Variants in MGAT5 observed in about 807,000 individuals in gnomAD.
The protein encoded by MGAT5 is alpha-1,6-mannosylglycoprotein 6-beta-N-acetylglucosaminyltransferase, also known as alpha-1,6-mannosylglycoprotein 6-beta-N-acetylglucosaminyltransferase A.
A neutral mutation model predicts 94.3 loss-of-function variants in MGAT5; 30 were observed. That is an observed-to-expected ratio of 0.32 (90% CI 0.24 to 0.43). MGAT5 has a LOEUF of 0.43. MGAT5 is among the 20% of genes least tolerant of loss of function. MGAT5 has a pLI of 1.00. For synonymous variants in MGAT5, 310 were observed against 322.9 expected, an observed-to-expected ratio of 0.96 and a Z score of 0.43; for missense variants, 691 against 905.5, an observed-to-expected ratio of 0.76 and a Z score of 3.04.
intron 10 of MGAT5, among the ~76,000 whole-genome samples, chr2:134,391,845 A>T (rs1176353121): frequency 3.4e-4 from 52 of 152,324 alleles, no homozygotes; most frequent in Admixed American, 3.4e-3. Context: ...ATCTCATGTG[A>T]TCCTTTGGGC....
intron 2 of MGAT5, among the ~76,000 whole-genome samples, chr2:134,311,506 T>C (rs1317871795): frequency 6.6e-6 from 1 of 152,170 alleles, no homozygotes; most frequent in Non-Finnish European, 1.5e-5. Flanking sequence ...AACTGTCTTC[T>C]GTGTGAGCTC....
At chr2:134,340,487 A>G (rs1416404173) in intron 6 of MGAT5, among the ~76,000 whole-genome samples, 1 of 152,198 alleles carries the variant, frequency 6.6e-6, no homozygotes, top group East Asian at 1.9e-4. Context: ...TTTGAAGCAT[A>G]TCAAATATGC....
At chr2:134,123,029 G>A (rs1203695406) in intron 1 of MGAT5, among the ~76,000 whole-genome samples, 2 of 152,240 alleles carry the variant, frequency 1.3e-5, no homozygotes, top group Non-Finnish European at 2.9e-5. Flanking sequence ...ATAAAGAGGT[G>A]TGTGCATATG....
rs2290047 is a variant in MGAT5 at position 134,341,573 on chromosome 2, G to A, written c.808-17G>A. ...TGTGGTTCAGTGTGAATCAGTATAT[G>A]CCTCTTTGTTTTCCAGGTCCTCGTT... On this transcript the variant is annotated splice_polypyrimidine_tract_variant and intron_variant, in intron 6 of 15. Transcript: ENST00000281923. The A allele has an allele frequency of 0.024, 38,534 of 1,608,666 alleles. 3,265 individuals are homozygous for A. The highest frequency in any genetic ancestry group is 0.22 in the East Asian group (9,769 of 44,700).
At chr2:134,346,006 C>T (rs1432999345) in intron 8 of MGAT5, among the ~76,000 whole-genome samples, 1 of 152,046 alleles carries the variant, frequency 6.6e-6, no homozygotes, top group African/African-American at 2.4e-5. Context: ...GTAAATGGCA[C>T]ATAAATATAA....
chr2:134,448,595 G>A (rs1685927806), intron 15 of MGAT5, 54 bp from the exon 16 acceptor site: 1 of 1,549,398 alleles, frequency 6.5e-7, no homozygotes, highest in South Asian at 1.1e-5. Flanking sequence ...CCAGTGACGA[G>A]GAAAGGCTCT....
chr2:134,197,785 CTCCT>C (rs1679570751), intron 1 of MGAT5, among the ~76,000 whole-genome samples: 2 of 152,198 alleles, frequency 1.3e-5, no homozygotes, highest in South Asian at 4.1e-4. Flanking sequence ...GGGGGCTGGG[CTCCT>C]TCCTTCTGGT....
At chr2:134,180,687 C>A (rs190274984) in intron 1 of MGAT5, among the ~76,000 whole-genome samples, 1 of 152,228 alleles carries the variant, frequency 6.6e-6, no homozygotes, top group East Asian at 1.9e-4. Flanking sequence ...TCTCATCTGC[C>A]GCTTCTGTTC....
rs367744090 is a variant in MGAT5 at position 134,237,123 on chromosome 2, A to ATGTGTATGTATGTGTGTGTGTG, written c.-142-17134_-142-17133insATGTATGTGTGTGTGTGTGTGT. ...TAGGTAGGTTATGTAGAAGGAGTAT[A>ATGTGTATGTATGTGTGTGTGTG]TGTGTGTGTGTGTGTGTGTGTGTGT... is the stretch of plus-strand genomic sequence containing the variant. On this transcript the variant is annotated intron_variant, in intron 1 of 16. Transcript: ENST00000409645. Among the ~76,000 whole-genome samples the ATGTGTATGTATGTGTGTGTGTG allele has an allele frequency of 8.0e-4, 112 of 140,716 alleles. 1 individual carries two copies. The East Asian group carries it at 9.0e-3, about 11-fold the overall frequency. 92.3% of individuals were successfully genotyped at this position (140,716 alleles called of 152,430 possible). A position where few individuals can be genotyped will look rare whatever the true frequency, so the allele number is the denominator to read the frequency against.
intron 1 of MGAT5, among the ~76,000 whole-genome samples, chr2:134,136,803 GA>G (rs1686431731): frequency 2.6e-5 from 4 of 152,096 alleles, no homozygotes; most frequent in Admixed American, 2.6e-4. Context: ...ATCAAGAGTT[GA>G]CCTCCTCCTG....
chr2:134,238,902 C>T (rs528886971), intron 1 of MGAT5, among the ~76,000 whole-genome samples: 1 of 152,334 alleles, frequency 6.6e-6, no homozygotes, highest in Non-Finnish European at 1.5e-5. Flanking sequence ...GAGATCATGC[C>T]ACTACTGTAT....
intron 1 of MGAT5, chr2:134,120,430 G>T: frequency 3.1e-6 from 1 of 327,698 alleles, no homozygotes; most frequent in East Asian, 4.4e-5. Context: ...GGCGCGGTCG[G>T]GGGCTTCCTT....
intron 4 of MGAT5, among the ~76,000 whole-genome samples, chr2:134,325,652 T>G (rs1687599327): frequency 1.3e-5 from 2 of 152,108 alleles, no homozygotes; most frequent in Non-Finnish European, 2.9e-5. Flanking sequence ...TTCCTTCACA[T>G]CAGATTAGTA....
chr2:134,361,938 G>A (rs967778741), intron 9 of MGAT5, among the ~76,000 whole-genome samples: 18 of 152,310 alleles, frequency 1.2e-4, no homozygotes, highest in African/African-American at 4.3e-4. Flanking sequence ...TGAAACCTGG[G>A]TGAAAGCATT....
chr2:134,370,766 G>T (rs1680743236), intron 10 of MGAT5, among the ~76,000 whole-genome samples: 1 of 152,248 alleles, frequency 6.6e-6, no homozygotes, highest in Non-Finnish European at 1.5e-5. Flanking sequence ...GAACAGAGGA[G>T]AAATAAAATG....
At chr2:134,297,716 A>G (rs1685759462) in intron 2 of MGAT5, among the ~76,000 whole-genome samples, 1 of 152,156 alleles carries the variant, frequency 6.6e-6, no homozygotes, top group Non-Finnish European at 1.5e-5. Context: ...GGAAAAACAT[A>G]CAGGTTAACA....
intron 1 of MGAT5, among the ~76,000 whole-genome samples, chr2:134,176,248 T>C (rs1455862770): frequency 1.3e-5 from 2 of 151,868 alleles, no homozygotes; most frequent in Non-Finnish European, 2.9e-5. Context: ...CTGAAGAGTT[T>C]TGGGACTCTG....
At chr2:134,186,727 C>T (rs184565344) in intron 1 of MGAT5, among the ~76,000 whole-genome samples, 3 of 152,198 alleles carry the variant, frequency 2.0e-5, no homozygotes, top group Admixed American at 6.5e-5. Flanking sequence ...TCTGTATAAC[C>T]GAGTCAGTGA....
Position 134,430,287 on chromosome 2 carries a change from G to A in MGAT5, c.1869+1848G>A, listed in dbSNP as rs560923588. The stretch of plus-strand genomic sequence containing the variant: ...AAATGACTCTTGATCAGGTTTATTT[G>A]AAGGCTTTTATTTCTCCCCTGAGGC... On this transcript the variant is annotated intron_variant, in intron 14 of 15. Coordinates refer to ENST00000281923, the MANE Select transcript of MGAT5 (RefSeq NM_002410.5). Among the ~76,000 whole-genome samples the A allele has an allele frequency of 2.0e-5, 3 of 152,288 alleles. No individual in the cohort carries two copies. In the South Asian group the frequency reaches 6.2e-4, roughly 32 times the overall value.
Sources: gnomAD v4.1 joint callset for allele counts (sites outside exome capture counted in the v4.1 genomes callset) on GRCh38, gnomAD v4.1.1 for gene constraint, MANE v1.5 for transcripts, NCBI Gene and HGNC (gene_info 2026-07-23, HGNC 2026-07-21) for gene names.